ABCB10: variants seen among roughly 807,000 people sequenced by gnomAD.
ABCB10 encodes ATP binding cassette subfamily B member 10.
A neutral mutation model predicts 65.4 loss-of-function variants in ABCB10; 54 were observed. The ratio of observed to expected loss-of-function variants is 0.83; its 90% CI spans 0.66 to 1.04. The LOEUF (loss-of-function observed/expected upper bound fraction) is 1.04, where lower values mean the gene tolerates loss of function less well. Among genes scored for constraint, ABCB10 ranks in the 50% least tolerant of loss-of-function variants. ABCB10 has a pLI of 0.00. For missense variants in ABCB10, 846 were observed against 976.6 expected (o/e 0.87, Z 1.78); for synonymous variants, 418 against 406.5 (o/e 1.03, Z -0.34).
intron 10 of ABCB10, among the ~76,000 whole-genome samples, chr1:229,523,041 C>A (rs1374282612): frequency 6.6e-6 from 1 of 152,032 alleles, no homozygotes; most frequent in Non-Finnish European, 1.5e-5. Flanking sequence ...TTATGATGTT[C>A]TTTTTTTCCC....
Position 229,542,243 on chromosome 1 carries a change from G to C in ABCB10, c.1050C>G (p.Ala350=). 6.2e-7 allele frequency: 1 copy of C among 1,613,886 alleles called. No homozygotes were observed. Among genetic ancestry groups the C allele is most frequent in the Non-Finnish European group, 8.5e-7 (1 of 1,179,932 alleles). The change falls in exon 4 of 13, where the codon GCC becomes GCG. Residue 350 remains alanine (A), a synonymous_variant. Transcript: ENST00000344517. ...GACAGGAAGGGGCCTTTACCTGAGT[G>C]GCTTGTGCCAGGGAATCCTGAGTGA... The part of the protein sequence containing the change: ...TKVTQDSLAQ[A]TQLAEERIGN...
At chr1:229,547,432 C>T (rs960270683) in intron 3 of ABCB10, 67 bp downstream of exon 3, 1 of 1,573,300 alleles carries the variant, frequency 6.4e-7, no homozygotes, top group East Asian at 2.2e-5. Flanking sequence ...GCTCGTCTCA[C>T]ACGTGAGAGG....
chr1:229,553,478 A>G (rs1329750169), intron 1 of ABCB10, among the ~76,000 whole-genome samples: 1 of 152,140 alleles, frequency 6.6e-6, no homozygotes, highest in East Asian at 1.9e-4. Flanking sequence ...GCACTGTTCT[A>G]GTGCCCTAGG....
In ABCB10 at chr1:229,558,367, C is replaced by A; in HGVS notation, c.286G>T (p.Gly96Cys). 8.0e-7 allele frequency: 1 copy of A among 1,252,036 alleles called. No homozygotes were observed. The highest frequency in any genetic ancestry group is 2.0e-5 in the South Asian group (1 of 50,870). 77.6% of individuals were successfully genotyped at this position (1,252,036 alleles called of 1,614,324 possible). ...GCCCCGCACCTGCAGCTGCCGGGGC[C>A]GCGAGCCCACAGCCCCAGGAGCCGC... ...LARLLGLWARGPGSCRCGAFA... is the reference protein window; with the variant it reads ...LARLLGLWARCPGSCRCGAFA... Residue 96 changes from glycine to cysteine, a missense_variant, in exon 1 of 13, where the codon GGC becomes TGC. Physicochemically the swap from Gly to Cys is radical, Grantham distance 159. Transcript: ENST00000344517.
intron 3 of ABCB10, among the ~76,000 whole-genome samples, chr1:229,543,872 A>G (rs761817811): frequency 2.6e-5 from 4 of 152,140 alleles, no homozygotes; most frequent in East Asian, 1.9e-4. Context: ...GAACATAATC[A>G]TATCTCTGAT....
intron 1 of ABCB10, among the ~76,000 whole-genome samples, 166 bp from the exon 2 acceptor site, chr1:229,549,600 A>T (rs1340446070): frequency 6.6e-6 from 1 of 152,198 alleles, no homozygotes; most frequent in Non-Finnish European, 1.5e-5. Context: ...TCAAGGGAAG[A>T]ACCAAATGGT....
chr1:229,521,697 A>G, intron 10 of ABCB10, 62 bp from the exon 11 acceptor site: 1 of 1,573,678 alleles, frequency 6.4e-7, no homozygotes. Context: ...ATAGGCTTTT[A>G]TGATAAACCA....
intron 11 of ABCB10, 77 bp downstream of exon 11, chr1:229,521,515 T>C (rs1258638020): frequency 2.8e-6 from 4 of 1,429,756 alleles, no homozygotes; most frequent in Admixed American, 2.3e-5. Flanking sequence ...AGAAGACAAA[T>C]AGTAAATTAC....
At chr1:229,527,411 A>G in intron 8 of ABCB10, 103 bp from the exon 9 acceptor site, 3 of 1,008,960 alleles carry the variant, frequency 3.0e-6, no homozygotes, top group Non-Finnish European at 4.6e-6. Flanking sequence ...TTTTTTAAAG[A>G]TCAAAATGTA....
rs1445886598 is a variant in ABCB10, at chr1:229,530,384, C to A, written c.1460G>T (p.Ser487Ile). The stretch of plus-strand genomic sequence containing the variant: ...CTTAAACTCCAAAGCACCCTGGAAG[C>A]TTTTCTCATTTAAGATGACCCCCTC... ...FNEGVILNEK[S>I]FQGALEFKNV... The change falls in exon 8 of 13, where the codon AGC (serine) becomes ATC (isoleucine). Residue 487 changes from serine (S) to isoleucine (I), a missense_variant. Physicochemically the swap from Ser to Ile is moderately radical, Grantham distance 142. Coordinates refer to ENST00000344517, the MANE Select transcript of ABCB10 (RefSeq NM_012089.3). 2 of 1,614,146 alleles carry A rather than the reference C, an allele frequency of 1.2e-6. No individual in the cohort carries two copies. Among genetic ancestry groups the A allele is most frequent in the East Asian group, 2.2e-5 (1 of 44,888 alleles).
chr1:229,531,944 ATAG>A, intron 6 of ABCB10: 2 of 302,060 alleles, frequency 6.6e-6, no homozygotes, highest in South Asian at 7.7e-5. Context: ...CTCCAGTTTC[ATAG>A]TTTTTTTTTT....
Position 229,550,690 on chromosome 1 carries a change from T to TA in ABCB10, c.518-1257dup, listed in dbSNP as rs11301432. ...CAACATGGTGAAACCCTGTCTCTAC[T>TA]AAAAAAAAAAAAAAATACAAAAAAT... On this transcript the variant is annotated intron_variant, in intron 1 of 12. Transcript: ENST00000344517. Among the ~76,000 whole-genome samples, 354 of 138,556 alleles carry TA rather than the reference T, an allele frequency of 2.6e-3. 2 individuals are homozygous for TA. The highest frequency in any genetic ancestry group is 6.1e-3 in the East Asian group (29 of 4,784). 90.9% of individuals were successfully genotyped at this position (138,556 alleles called of 152,430 possible).
chr1:229,519,832 T>A (rs868465607), intron 11 of ABCB10, among the ~76,000 whole-genome samples: 3 of 149,460 alleles, frequency 2.0e-5, no homozygotes, highest in Non-Finnish European at 4.4e-5. Flanking sequence ...AATAAATAAA[T>A]AAAATGAGTA....
chr1:229,529,388 T>C (rs1662526191), intron 8 of ABCB10, among the ~76,000 whole-genome samples: 1 of 136,502 alleles, frequency 7.3e-6, no homozygotes, highest in African/African-American at 2.7e-5. Context: ...AGTTAATCAC[T>C]GGCCAGGCAC....
chr1:229,549,584 T>C, intron 1 of ABCB10, 150 bp from the exon 2 acceptor site: 1 of 761,962 alleles, frequency 1.3e-6, no homozygotes. Flanking sequence ...CTCCTCGATC[T>C]CTGACTCAAG....
chr1:229,545,656 C>A (rs1662949034), intron 3 of ABCB10, among the ~76,000 whole-genome samples: 1 of 152,258 alleles, frequency 6.6e-6, no homozygotes, highest in East Asian at 1.9e-4. Context: ...AAATATAGAT[C>A]AAGTACTTTC....
intron 6 of ABCB10, among the ~76,000 whole-genome samples, chr1:229,534,422 G>A (rs544285478): frequency 6.6e-6 from 1 of 152,208 alleles, no homozygotes; most frequent in South Asian, 2.1e-4. Flanking sequence ...TCACCATAGA[G>A]ATGTCAAAAA....
intron 5 of ABCB10, among the ~76,000 whole-genome samples, chr1:229,539,895 CAAAT>C (rs1156246146): frequency 2.6e-5 from 4 of 152,140 alleles, no homozygotes; most frequent in Non-Finnish European, 4.4e-5. Flanking sequence ...CTAGAGGAAA[CAAAT>C]AAATATCTAC....
At chr1:229,527,415 A>G (rs2102686529) in intron 8 of ABCB10, 107 bp from the exon 9 acceptor site, 4 of 949,600 alleles carry the variant, frequency 4.2e-6, no homozygotes, top group Non-Finnish European at 6.6e-6. Flanking sequence ...TTAAAGATCA[A>G]AATGTACTGA....
Sources: allele counts gnomAD v4.1 joint callset (sites outside exome capture counted in the v4.1 genomes callset), GRCh38; gene constraint gnomAD v4.1.1; transcripts MANE v1.5; gene names NCBI Gene and HGNC (gene_info 2026-07-23, HGNC 2026-07-21).